RNF216: variants seen among roughly 807,000 people sequenced by gnomAD.
RNF216 encodes the protein E3 ubiquitin-protein ligase RNF216.
A neutral mutation model predicts 110.8 loss-of-function variants in RNF216; 72 were observed. The observed-to-expected ratio is 0.65, with a 90% CI of 0.54 to 0.79. The LOEUF is 0.79. Ranked by LOEUF, RNF216 falls within the 30% of genes least tolerant of loss-of-function variation. The probability of loss-of-function intolerance (pLI) is 0.00; values close to 1 mark genes in which losing one functional copy is unlikely to be tolerated. For missense variants in RNF216, 1,342 were observed against 1,141.2 expected, an observed-to-expected ratio of 1.18 and a Z score of -2.54; for synonymous variants, 495 against 407.5, an observed-to-expected ratio of 1.21 and a Z score of -2.59.
intron 10 of RNF216, among the ~76,000 whole-genome samples, chr7:5,716,187 C>T (rs145839809): frequency 0.02 from 3,031 of 152,226 alleles, 46 homozygotes; most frequent in Non-Finnish European, 0.032. Flanking sequence ...CCACGGTGCC[C>T]GGCCACCAAC....
Position 5,739,340 on chromosome 7 carries a change from G to C in RNF216, c.1057C>G (p.Pro353Ala), listed in dbSNP as rs1191168760. ...LLVKETEARF[P>A]DVANGFIEEI... is the part of the protein sequence containing the mutation. ...TCAATAAACCCATTTGCTACATCTGGAAATCTTGCTTCCTAGAAACAAATA... is the reference window on the plus strand; with the variant it reads ...TCAATAAACCCATTTGCTACATCTGCAAATCTTGCTTCCTAGAAACAAATA... Residue 353 changes from proline to alanine, a missense_variant, in exon 5 of 17, where the codon CCA (proline) becomes GCA (alanine). Transcript: ENST00000389902. The C allele has an allele frequency of 1.3e-6, 2 of 1,595,642 alleles. No individual in the cohort carries two copies. Among genetic ancestry groups the C allele is most frequent in the Non-Finnish European group, 1.7e-6 (2 of 1,174,522 alleles).
At chr7:5,629,294 C>T (rs1183920802) in intron 15 of RNF216, among the ~76,000 whole-genome samples, 1 of 150,514 alleles carries the variant, frequency 6.6e-6, no homozygotes, top group East Asian at 2.0e-4. Flanking sequence ...AAGGGCAACA[C>T]AGTGAGAACC....
chr7:5,734,825 A>AATATAAATAAAT (rs1794298433), intron 5 of RNF216, among the ~76,000 whole-genome samples: 1 of 118,096 alleles, frequency 8.5e-6, no homozygotes, highest in Non-Finnish European at 1.8e-5. Flanking sequence ...ACTCTCTCTC[A>AATATAAATAAAT]AAATAAATAA....
intron 13 of RNF216, among the ~76,000 whole-genome samples, chr7:5,685,152 G>C (rs1692190290): frequency 6.6e-6 from 1 of 152,162 alleles, no homozygotes; most frequent in Non-Finnish European, 1.5e-5. Flanking sequence ...GGAGGCTCAT[G>C]GCCTCCAGTG....
intron 13 of RNF216, among the ~76,000 whole-genome samples, chr7:5,668,874 A>C (rs1789710154): frequency 6.6e-6 from 1 of 152,160 alleles, no homozygotes; most frequent in Non-Finnish European, 1.5e-5. Context: ...GGAAATAGTA[A>C]AACACTATCT....
chr7:5,702,906 C>G lies in RNF216; in HGVS notation c.2061+8855G>C, dbSNP rs58363330. On this transcript the variant is annotated intron_variant, in intron 13 of 16. Transcript: ENST00000389902. ...AGCTCTGCCATTTACCATCACCTGA[C>G]TTTAAGCCAGTGTCTATTTTGTAGG... Among the ~76,000 whole-genome samples the G allele has an allele frequency of 5.6e-3, 855 of 152,298 alleles. 8 individuals are homozygous for G. Among genetic ancestry groups the G allele is most frequent in the African/African-American group, 0.019 (809 of 41,574 alleles).
chr7:5,751,379 G>C (rs1412442673), intron 3 of RNF216, among the ~76,000 whole-genome samples: 3 of 152,186 alleles, frequency 2.0e-5, no homozygotes, highest in African/African-American at 4.8e-5. Flanking sequence ...TTTGGACTAA[G>C]TGTGTGCACT....
rs1048862482 is a variant in RNF216 at position 5,746,902 on chromosome 7, G to A, written c.202-5087C>T. Among the ~76,000 whole-genome samples, 10 of 152,208 alleles carry A rather than the reference G, an allele frequency of 6.6e-5. 1 individual carries two copies. In the South Asian group the frequency reaches 1.0e-3, roughly 16 times the overall value. On this transcript the variant is annotated intron_variant, in intron 3 of 16. Coordinates refer to ENST00000389902, the MANE Select transcript of RNF216 (RefSeq NM_207111.4). ...ACTCCAAATTACACGGAGAGAACGA[G>A]ATTCTTACTGGCATTCAGAAGCCTC...
chr7:5,727,918 C>T (rs1793858498), intron 7 of RNF216, among the ~76,000 whole-genome samples: 1 of 151,570 alleles, frequency 6.6e-6, no homozygotes, highest in Non-Finnish European at 1.5e-5. Flanking sequence ...TCTCAAAGTC[C>T]TATCACCATA....
chr7:5,653,969 T>C (rs1788568441), intron 13 of RNF216, among the ~76,000 whole-genome samples: 1 of 152,220 alleles, frequency 6.6e-6, no homozygotes, highest in Non-Finnish European at 1.5e-5. Flanking sequence ...AAGGGCATGA[T>C]GAGCAGTTTT....
Position 5,712,813 on chromosome 7 carries a change from A to C in RNF216, c.1884T>G (p.Ser628Arg), listed in dbSNP as rs1792800796. 1.2e-6 allele frequency: 2 copies of C among 1,613,976 alleles called. No homozygotes were observed. Among genetic ancestry groups the C allele is most frequent in the African/African-American group, 2.7e-5 (2 of 74,906 alleles). ...EGSCTCSFPT[S>R]ELEKVLPQTI... ...TCTGGGGGAGCACCTTCTCCAGCTC[A>C]CTGGTTGGGAACGAACACGTGCAGC... Residue 628 changes from serine (S) to arginine (R), a missense_variant, in exon 12 of 17, where the codon AGT becomes AGG. Coordinates refer to ENST00000389902, the MANE Select transcript of RNF216 (RefSeq NM_207111.4).
At position 5,760,993 on chromosome 7, in the gene RNF216, A is replaced by C. The variant is rs756408955; in HGVS notation, c.67+10T>G. 3.0e-5 allele frequency: 47 copies of C among 1,566,206 alleles called. No homozygotes were observed. The highest frequency in any genetic ancestry group is 4.0e-5 in the Non-Finnish European group (46 of 1,153,004). On this transcript the variant is annotated intron_variant, in intron 2 of 16. Coordinates refer to ENST00000389902, the MANE Select transcript of RNF216 (RefSeq NM_207111.4). ...CAGGGAAAGGGATGAAGTGAGAACAAACAACTTACCTTGTCCCCGATGGCA... is the reference window on the plus strand; with the variant it reads ...CAGGGAAAGGGATGAAGTGAGAACACACAACTTACCTTGTCCCCGATGGCA...
At chr7:5,674,842 C>CA (rs1443002998) in intron 13 of RNF216, among the ~76,000 whole-genome samples, 1 of 150,812 alleles carries the variant, frequency 6.6e-6, no homozygotes, top group Non-Finnish European at 1.5e-5. Flanking sequence ...CTAAAAAATA[C>CA]AAAAATTAGC....
intron 2 of RNF216, among the ~76,000 whole-genome samples, chr7:5,758,495 G>C (rs932161521): frequency 2.0e-5 from 3 of 152,154 alleles, no homozygotes; most frequent in African/African-American, 7.2e-5. Context: ...CTTATTTGCA[G>C]ATTTTCTTCC....
intron 1 of RNF216, among the ~76,000 whole-genome samples, chr7:5,763,830 C>A (rs191563341): frequency 2.6e-5 from 4 of 152,134 alleles, no homozygotes; most frequent in African/African-American, 9.7e-5. Context: ...GCCTTGGCTT[C>A]CCAAAGTGCT....
At chr7:5,667,908 G>C (rs1789632256) in intron 13 of RNF216, among the ~76,000 whole-genome samples, 1 of 152,232 alleles carries the variant, frequency 6.6e-6, no homozygotes, top group African/African-American at 2.4e-5. Context: ...GGATGGGAAG[G>C]AGGAAGTCGA....
chr7:5,686,704 A>G (rs1791008297), intron 13 of RNF216, among the ~76,000 whole-genome samples: 1 of 152,252 alleles, frequency 6.6e-6, no homozygotes, highest in South Asian at 2.1e-4. Flanking sequence ...CGGCAATGAC[A>G]TATTACCTAC....
At chr7:5,652,334 G>T in intron 14 of RNF216, 79 bp downstream of exon 14, 2 of 1,018,328 alleles carry the variant, frequency 2.0e-6, no homozygotes, top group Non-Finnish European at 3.1e-6. Flanking sequence ...TCCGACAACA[G>T]TATGCCCTCT....
At chr7:5,762,622 G>T (rs1186978680) in intron 1 of RNF216, among the ~76,000 whole-genome samples, 1 of 151,540 alleles carries the variant, frequency 6.6e-6, no homozygotes. Flanking sequence ...AACCCGGGAG[G>T]CAGAGGTTGC....
Sources: allele counts gnomAD v4.1 joint callset (sites outside exome capture counted in the v4.1 genomes callset), GRCh38; gene constraint gnomAD v4.1.1; transcripts MANE v1.5; gene names NCBI Gene and HGNC (gene_info 2026-07-23, HGNC 2026-07-21).